GTF2IRD1: variants seen among roughly 807,000 people sequenced by gnomAD.
The protein encoded by GTF2IRD1 is general transcription factor II-I repeat domain-containing protein 1.
A neutral mutation model predicts 113.2 loss-of-function variants in GTF2IRD1; 26 were observed. The ratio of observed to expected loss-of-function variants is 0.23; its 90% confidence interval spans 0.17 to 0.32. The LOEUF (loss-of-function observed/expected upper bound fraction) is 0.32. Ranked by LOEUF, GTF2IRD1 falls within the 10% of genes least tolerant of loss-of-function variation. GTF2IRD1 has a pLI of 1.00. For missense variants in GTF2IRD1, 864 were observed against 1,280.8 expected, an observed-to-expected ratio of 0.67 and a Z score of 4.97; for synonymous variants, 484 against 529.1, an observed-to-expected ratio of 0.91 and a Z score of 1.17.
intron 9 of GTF2IRD1, among the ~76,000 whole-genome samples, chr7:74,533,262 G>T (rs1478325003): frequency 1.1e-4 from 16 of 151,388 alleles, no homozygotes; most frequent in African/African-American, 3.9e-4. Context: ...CGCCTCCCAA[G>T]TAGCTGGGAT....
At chr7:74,580,777 C>A (rs199893591) in intron 22 of GTF2IRD1, among the ~76,000 whole-genome samples, 1 of 152,072 alleles carries the variant, frequency 6.6e-6, no homozygotes, top group Non-Finnish European at 1.5e-5. Context: ...GGCAGGAGGT[C>A]GCTGCTGCGG....
At chr7:74,511,717 G>A (rs545020751) in intron 2 of GTF2IRD1, among the ~76,000 whole-genome samples, 4 of 152,244 alleles carry the variant, frequency 2.6e-5, no homozygotes, top group East Asian at 1.9e-4. Flanking sequence ...ACAGAACTGC[G>A]TTTGGAAGCC....
At chr7:74,503,530 C>T (rs112589961) in intron 1 of GTF2IRD1, among the ~76,000 whole-genome samples, 32 of 152,264 alleles carry the variant, frequency 2.1e-4, no homozygotes, top group African/African-American at 7.2e-4. Flanking sequence ...GGGCAGATCA[C>T]TTGAGGTCAG....
chr7:74,555,207 C>G lies in GTF2IRD1; in HGVS notation c.1950C>G (p.Pro650=), dbSNP rs782437518. Residue 650 remains proline (P), a synonymous_variant, in exon 18 of 27, where the codon CCC becomes CCG. Coordinates refer to ENST00000424337, the MANE Select transcript of GTF2IRD1 (RefSeq NM_005685.4). The surrounding 1 kb of genome is among the most constrained non-coding windows in gnomAD (Gnocchi z 5.3). ...TGCTCACTGAGGGAGTCAAAGAGCCCATCATGGATAGTCAAGGTACCCAGC... is the reference window on the plus strand; with the variant it reads ...TGCTCACTGAGGGAGTCAAAGAGCCGATCATGGATAGTCAAGGTACCCAGC... ...PELLTEGVKE[P]IMDSQERDSG... 3 of 1,613,598 alleles carry G rather than the reference C, an allele frequency of 1.9e-6. No homozygotes were observed. Among genetic ancestry groups the G allele is most frequent in the Non-Finnish European group, 2.5e-6 (3 of 1,179,942 alleles).
At position 74,518,243 on chromosome 7, in the gene GTF2IRD1, C is replaced by T. The variant is rs782048768; in HGVS notation, c.526C>T (p.Arg176Ter). The T allele has an allele frequency of 1.2e-6, 2 of 1,611,748 alleles. No homozygotes were observed. The highest frequency in any genetic ancestry group is 1.1e-5 in the South Asian group (1 of 91,024). ...GGGGCTGCCCGAAGGCCTGGCCTTC[C>T]GAAGGCCAGCCGAGTATGACCCCAA... ...VQGLPEGLAFRRPAEYDPKAL... is the reference protein window; with the variant it reads ...VQGLPEGLAF Residue 176 changes from arginine to a stop codon, truncating the protein, a stop_gained, in exon 5 of 27, where the codon CGA becomes TGA. Coordinates refer to ENST00000424337, the MANE Select transcript of GTF2IRD1 (RefSeq NM_005685.4). LOFTEE classifies it high-confidence loss of function.
intron 1 of GTF2IRD1, among the ~76,000 whole-genome samples, chr7:74,484,312 C>T (rs911019764): frequency 6.6e-6 from 1 of 152,098 alleles, no homozygotes; most frequent in East Asian, 1.9e-4. Context: ...GACAGGGTCT[C>T]ACTCTGTCAC....
intron 1 of GTF2IRD1, among the ~76,000 whole-genome samples, chr7:74,490,975 G>C (rs1795303833): frequency 6.6e-6 from 1 of 152,116 alleles, no homozygotes; most frequent in Non-Finnish European, 1.5e-5. Context: ...TCCTGAAGCT[G>C]CTGTAACACG....
At chr7:74,515,626 C>A (rs782811219) in intron 4 of GTF2IRD1, 30 bp downstream of exon 4, 3 of 1,585,004 alleles carry the variant, frequency 1.9e-6, no homozygotes, top group Non-Finnish European at 2.6e-6. Flanking sequence ...CATTTGGGGG[C>A]CCCAGGGAGG....
intron 1 of GTF2IRD1, among the ~76,000 whole-genome samples, chr7:74,494,024 A>AG (rs1268106616): frequency 6.6e-6 from 1 of 152,206 alleles, no homozygotes; most frequent in Non-Finnish European, 1.5e-5. Context: ...GTGTGCCCTC[A>AG]GGGTGTATCC....
chr7:74,473,386 C>T (rs1584471977), intron 1 of GTF2IRD1, among the ~76,000 whole-genome samples: 1 of 151,610 alleles, frequency 6.6e-6, no homozygotes, highest in African/African-American at 2.4e-5. Context: ...CTGGAAACTT[C>T]TGTGAGGTTG....
intron 21 of GTF2IRD1, among the ~76,000 whole-genome samples, chr7:74,559,372 C>T (rs1466632018): frequency 7.9e-5 from 12 of 152,212 alleles, no homozygotes; most frequent in African/African-American, 2.4e-4. Flanking sequence ...CCCAAGGTCC[C>T]GGGGCCAGCC....
chr7:74,565,519 G>A (rs587727980), intron 22 of GTF2IRD1, among the ~76,000 whole-genome samples: 5 of 149,976 alleles, frequency 3.3e-5, no homozygotes, highest in Admixed American at 1.3e-4. Flanking sequence ...AGCACAACCC[G>A]GTCACAAAAA....
rs1554345050 is a variant in GTF2IRD1, at chr7:74,518,113, C to T, written c.422-26C>T. On this transcript the variant is annotated intron_variant, in intron 4 of 26. Coordinates refer to ENST00000424337, the MANE Select transcript of GTF2IRD1 (RefSeq NM_005685.4). ...AGCCTGGCTGCCCTCTCATACCAGGCCCCTCTCCTGGACTCTCCCCTACAG... is the reference window on the plus strand; with the variant it reads ...AGCCTGGCTGCCCTCTCATACCAGGTCCCTCTCCTGGACTCTCCCCTACAG... The T allele has an allele frequency of 4.1e-6, 6 of 1,448,272 alleles. No homozygotes were observed. In the South Asian group the frequency reaches 4.3e-5, roughly 10 times the overall value. The allele number at this position is 1,448,272 out of a possible 1,614,324, so 89.7% of individuals were successfully genotyped here. A position where few individuals can be genotyped will look rare whatever the true frequency, so the allele number is the denominator to read the frequency against.
intron 22 of GTF2IRD1, among the ~76,000 whole-genome samples, chr7:74,581,961 T>C (rs1179017820): frequency 6.6e-6 from 1 of 152,144 alleles, no homozygotes; most frequent in East Asian, 1.9e-4. Flanking sequence ...GAGCTGAGAT[T>C]GCTCCACTGC....
At chr7:74,454,844 C>T (rs1792859181) in intron 1 of GTF2IRD1, among the ~76,000 whole-genome samples, 1 of 152,168 alleles carries the variant, frequency 6.6e-6, no homozygotes. Context: ...TGGGTGGTCT[C>T]TGAGTTCCTG....
Position 74,559,607 on chromosome 7 carries a change from T to G in GTF2IRD1, c.2292-20T>G. ...CCCCAGGCCCTCCCCATGACACCCC[T>G]GCCTCTGTTTCTCTTCTAGGCCTTT... On this transcript the variant is annotated intron_variant, in intron 21 of 26. Transcript: ENST00000424337. 1 of 1,585,378 alleles carries G rather than the reference T, an allele frequency of 6.3e-7. No individual in the cohort carries two copies. The highest frequency in any genetic ancestry group is 8.6e-7 in the Non-Finnish European group (1 of 1,165,756).
At chr7:74,478,027 C>T (rs1554333865) in intron 1 of GTF2IRD1, among the ~76,000 whole-genome samples, 1 of 152,160 alleles carries the variant, frequency 6.6e-6, no homozygotes, top group African/African-American at 2.4e-5. Context: ...ACACCCAGCC[C>T]CCACGCTTTT....
At chr7:74,575,039 G>A (rs747693256) in intron 22 of GTF2IRD1, among the ~76,000 whole-genome samples, 1 of 152,098 alleles carries the variant, frequency 6.6e-6, no homozygotes. Flanking sequence ...GCAGTGAGCC[G>A]AGATTGCGCC....
intron 22 of GTF2IRD1, among the ~76,000 whole-genome samples, chr7:74,580,627 A>G (rs1268786510): frequency 2.6e-5 from 4 of 151,880 alleles, no homozygotes; most frequent in African/African-American, 7.3e-5. Context: ...CAGACAGCAG[A>G]CTGGTAAAGA....
Sources: allele counts gnomAD v4.1 joint callset (sites outside exome capture counted in the v4.1 genomes callset), GRCh38; gene constraint gnomAD v4.1.1; non-coding constraint Gnocchi (gnomAD v3.1); transcripts MANE v1.5; gene names NCBI Gene and HGNC (gene_info 2026-07-23, HGNC 2026-07-21).